Variants in ARFGAP3 observed in about 807,000 individuals in gnomAD.
ARFGAP3 encodes ADP-ribosylation factor GTPase-activating protein 3.
ARFGAP3 carries 72 observed loss-of-function variants against 75.0 expected under a neutral mutation model. The ratio of observed to expected loss-of-function variants is 0.96; its 90% CI spans 0.79 to 1.17. ARFGAP3 has a LOEUF of 1.17. ARFGAP3 is among the 50% of genes most tolerant of loss of function. The pLI is 0.00. For missense variants in ARFGAP3, 620 were observed against 626.6 expected (o/e 0.99, Z 0.11); for synonymous variants, 221 against 217.9 (o/e 1.01, Z -0.13).
chr22:42,820,446 C>A (rs192614820), intron 9 of ARFGAP3, among the ~76,000 whole-genome samples: 124 of 152,326 alleles, frequency 8.1e-4, no homozygotes, highest in Middle Eastern at 6.8e-3. Flanking sequence ...TAAACTCCAT[C>A]TTAGCGAACC....
chr22:42,840,541 C>T (rs893802015), intron 3 of ARFGAP3, among the ~76,000 whole-genome samples: 1 of 152,082 alleles, frequency 6.6e-6, no homozygotes, highest in Non-Finnish European at 1.5e-5. Flanking sequence ...CTCAGCCTCC[C>T]GAGTAGCTGG....
In ARFGAP3 at chr22:42,831,560, T is replaced by G. The variant is rs1388659408; in HGVS notation, c.554A>C (p.Glu185Ala). The change falls in exon 6 of 16, where the codon GAA (glutamate) becomes GCA (alanine). Residue 185 changes from glutamate (E) to alanine (A), a missense_variant. Transcript: ENST00000263245. ...LTSRPVETTL[E>A]NNEGGQEQGP... ...TCTAAGGACTCCACCTTCATTATTT[T>G]CCAAAGTGGTTTCCACAGGCCTTGA... The G allele has an allele frequency of 1.2e-6, 2 of 1,613,946 alleles. No individual in the cohort carries two copies. Among genetic ancestry groups the G allele is most frequent in the South Asian group, 2.2e-5 (2 of 91,070 alleles).
At chr22:42,820,870 C>T (rs2073124321) in intron 9 of ARFGAP3, among the ~76,000 whole-genome samples, 1 of 152,200 alleles carries the variant, frequency 6.6e-6, no homozygotes, top group Non-Finnish European at 1.5e-5. Context: ...CTTCACTGGC[C>T]TCCTGGCTTC....
intron 1 of ARFGAP3, among the ~76,000 whole-genome samples, chr22:42,848,782 G>T (rs1429647099): frequency 1.3e-5 from 2 of 152,162 alleles, no homozygotes; most frequent in African/African-American, 4.8e-5. Flanking sequence ...GATGGCCCCA[G>T]TGAAACCCAC....
At chr22:42,809,897 G>A (rs1272385922) in intron 12 of ARFGAP3, among the ~76,000 whole-genome samples, 6 of 151,384 alleles carry the variant, frequency 4.0e-5, no homozygotes, top group African/African-American at 1.2e-4. Flanking sequence ...CCAGCTACTC[G>A]GGAGGCTGAG....
Position 42,817,235 on chromosome 22 carries a change from A to AT in ARFGAP3, c.970dup (p.Met324AsnfsTer19). ...GGGTGATTCCTGCTCTATGGTCTGC[A>AT]TATCTGAAGTCACTGAATGTGAAAT... is the stretch of plus-strand genomic sequence containing the variant. On this transcript the variant is annotated frameshift_variant, in exon 11 of 16. Coordinates refer to ENST00000263245, the MANE Select transcript of ARFGAP3 (RefSeq NM_014570.5). LOFTEE classifies it high-confidence loss of function. The AT allele has an allele frequency of 6.2e-7, 1 of 1,612,190 alleles. No homozygotes were observed. Among genetic ancestry groups the AT allele is most frequent in the Admixed American group, 1.7e-5 (1 of 59,716 alleles).
chr22:42,832,907 C>T (rs1200685177), intron 5 of ARFGAP3, among the ~76,000 whole-genome samples: 1 of 152,020 alleles, frequency 6.6e-6, no homozygotes, highest in African/African-American at 2.4e-5. Flanking sequence ...ATCGCTTGAA[C>T]CCGGGAGGTG....
intron 11 of ARFGAP3, among the ~76,000 whole-genome samples, chr22:42,813,183 A>G (rs758210306): frequency 6.6e-6 from 1 of 152,244 alleles, no homozygotes; most frequent in African/African-American, 2.4e-5. Context: ...AAAGGGCAAG[A>G]AGACACATTC....
intron 12 of ARFGAP3, 58 bp downstream of exon 12, chr22:42,810,755 A>AT (rs1925331642): frequency 2.0e-6 from 3 of 1,498,840 alleles, no homozygotes; most frequent in African/African-American, 1.4e-5. Context: ...GTTATCAGCA[A>AT]TTTTTTCCCA....
At chr22:42,840,199 T>C (rs983035217) in intron 3 of ARFGAP3, among the ~76,000 whole-genome samples, 1 of 152,160 alleles carries the variant, frequency 6.6e-6, no homozygotes, top group African/African-American at 2.4e-5. Flanking sequence ...CCCAAAGTTC[T>C]AGGATTACAA....
intron 14 of ARFGAP3, among the ~76,000 whole-genome samples, chr22:42,805,347 A>C (rs1925071656): frequency 6.6e-6 from 1 of 152,152 alleles, no homozygotes; most frequent in African/African-American, 2.4e-5. Flanking sequence ...CTTCAGAGTA[A>C]AACTTCTATT....
chr22:42,844,190 C>CT (rs1015038506), intron 2 of ARFGAP3, among the ~76,000 whole-genome samples: 1 of 134,320 alleles, frequency 7.4e-6, no homozygotes, highest in Non-Finnish European at 1.7e-5. Context: ...TTTTTTGTTT[C>CT]TTTTTTTGGT....
intron 2 of ARFGAP3, 53 bp from the exon 3 acceptor site, chr22:42,841,069 A>C (rs1926761268): frequency 1.9e-6 from 3 of 1,582,690 alleles, no homozygotes; most frequent in African/African-American, 2.7e-5. Context: ...CCAGGAGCAA[A>C]ATCAGTGAGC....
chr22:42,834,220 T>C lies in ARFGAP3; in HGVS notation c.477+22A>G, dbSNP rs372790707. ...CTGTCAGAGTAAGCACACTTTAAAA[T>C]GATGTGAAGCATAATACATACCTCA... On this transcript the variant is annotated intron_variant, in intron 5 of 15. Transcript: ENST00000263245. 5.6e-6 allele frequency: 9 copies of C among 1,605,332 alleles called. No individual in the cohort carries two copies. In the African/African-American group the frequency reaches 9.5e-5, roughly 17 times the overall value.
At chr22:42,843,101 C>T (rs558540548) in intron 2 of ARFGAP3, among the ~76,000 whole-genome samples, 1 of 151,876 alleles carries the variant, frequency 6.6e-6, no homozygotes, top group Admixed American at 6.6e-5. Flanking sequence ...CCAACCACAT[C>T]CCCGCTCCTG....
At chr22:42,856,500 CA>C (rs879768140) in intron 1 of ARFGAP3, among the ~76,000 whole-genome samples, 173 of 135,702 alleles carry the variant, frequency 1.3e-3, no homozygotes, top group East Asian at 1.3e-3. Flanking sequence ...CCTCTGGAGA[CA>C]AAAAAAAAAA....
chr22:42,813,644 G>A (rs1447955617), intron 11 of ARFGAP3, among the ~76,000 whole-genome samples: 1 of 152,200 alleles, frequency 6.6e-6, no homozygotes, highest in Non-Finnish European at 1.5e-5. Context: ...TCCATGCGTG[G>A]GCTGGCTGGC....
chr22:42,823,851 G>A (rs1270728508), intron 7 of ARFGAP3, 149 bp from the exon 8 acceptor site: 3 of 1,048,778 alleles, frequency 2.9e-6, no homozygotes, highest in Non-Finnish European at 3.8e-6. Context: ...GACTCAAGTT[G>A]ATAAGCATAT....
intron 11 of ARFGAP3, among the ~76,000 whole-genome samples, chr22:42,812,224 C>CAAAAAA (rs3046479): frequency 3.5e-5 from 2 of 56,628 alleles, no homozygotes; most frequent in African/African-American, 6.9e-5. Context: ...GATACTGTCT[C>CAAAAAA]AAAAAAAAAA....
Sources: allele counts gnomAD v4.1 joint callset (sites outside exome capture counted in the v4.1 genomes callset), GRCh38; gene constraint gnomAD v4.1.1; transcripts MANE v1.5; gene names NCBI Gene and HGNC (gene_info 2026-07-23, HGNC 2026-07-21).